Variants in SHANK2 observed in about 807,000 individuals in gnomAD.
SHANK2 encodes SH3 and multiple ankyrin repeat domains 2.
SHANK2 carries 43 observed loss-of-function variants against 133.7 expected under a neutral mutation model. That is an observed-to-expected ratio of 0.32 (90% confidence interval 0.25 to 0.41). The LOEUF (loss-of-function observed/expected upper bound fraction) is 0.41, where lower values mean the gene tolerates loss of function less well. SHANK2 is among the 10% of genes least tolerant of loss of function. SHANK2 has a pLI of 1.00. For synonymous variants in SHANK2, 1,017 were observed against 952.8 expected (o/e 1.07, Z -1.24); for missense variants, 1,994 against 2,235.8 (o/e 0.89, Z 2.18).
chr11:70,786,961 T>C (rs924746590), intron 14 of SHANK2, among the ~76,000 whole-genome samples: 1 of 150,734 alleles, frequency 6.6e-6, no homozygotes, highest in Non-Finnish European at 1.5e-5. Context: ...GCATCACCAC[T>C]ATCATCACCA....
At chr11:71,170,883 A>C (rs4245462) in intron 2 of SHANK2, among the ~76,000 whole-genome samples, 101,344 of 152,182 alleles carry the variant, frequency 0.67, 35,833 homozygotes, top group East Asian at 0.87. Flanking sequence ...GGGATTCCTG[A>C]TGTCGCTGGC....
chr11:70,838,682 A>G (rs1948859720), intron 11 of SHANK2, among the ~76,000 whole-genome samples: 1 of 152,162 alleles, frequency 6.6e-6, no homozygotes, highest in Non-Finnish European at 1.5e-5. Flanking sequence ...AAGTCTCCCC[A>G]AGGCACTTGG....
intron 17 of SHANK2, among the ~76,000 whole-genome samples, chr11:70,546,773 G>T (rs1001830535): frequency 6.6e-5 from 10 of 152,194 alleles, no homozygotes; most frequent in African/African-American, 2.4e-4. Flanking sequence ...ACACCTCCCT[G>T]CTGGCTCTGG....
intron 14 of SHANK2, among the ~76,000 whole-genome samples, chr11:70,752,535 T>C (rs2134904273): frequency 6.6e-6 from 1 of 151,310 alleles, no homozygotes; most frequent in African/African-American, 2.4e-5. Flanking sequence ...TGAAAGCCCG[T>C]CTCTACTAAA....
chr11:70,486,456 C>A lies in SHANK2; in HGVS notation c.3837G>T (p.Glu1279Asp). 6.2e-7 allele frequency: 1 copy of A among 1,614,118 alleles called. No homozygotes were observed. The highest frequency in any genetic ancestry group is 8.5e-7 in the Non-Finnish European group (1 of 1,180,012). ...TRGPLRRQET[E>D]NKYETDLGRD... ...GGCCCAGGTCGGTCTCGTACTTGTTCTCCGTCTCCTGCCGCCTCAGGGGTC... is the reference window on the plus strand; with the variant it reads ...GGCCCAGGTCGGTCTCGTACTTGTTATCCGTCTCCTGCCGCCTCAGGGGTC... The change falls in exon 25 of 26, where the codon GAG becomes GAT. Residue 1279 changes from glutamate to aspartate, a missense_variant. Physicochemically the swap from Glu to Asp is conservative, Grantham distance 45. Transcript: ENST00000601538. The surrounding 1 kb of genome is among the most constrained non-coding windows in gnomAD (Gnocchi z 8.0).
intron 14 of SHANK2, among the ~76,000 whole-genome samples, chr11:70,712,713 A>G (rs1229450343): frequency 6.6e-6 from 1 of 152,218 alleles, no homozygotes; most frequent in Non-Finnish European, 1.5e-5. Context: ...AGCCGCCAGC[A>G]CGATGGTTCC....
chr11:71,193,354 C>T (rs1953830115), intron 2 of SHANK2, among the ~76,000 whole-genome samples: 3 of 152,104 alleles, frequency 2.0e-5, no homozygotes, highest in Middle Eastern at 3.2e-3. Context: ...TGCATGCACA[C>T]ATACATGTAT....
chr11:70,582,348 C>T (rs1471009135), intron 17 of SHANK2, among the ~76,000 whole-genome samples: 4 of 152,204 alleles, frequency 2.6e-5, no homozygotes, highest in Admixed American at 6.5e-5. Context: ...CAGCCCCGGC[C>T]GGATCCAATT....
At position 71,085,796 on chromosome 11, in the gene SHANK2, TACAAC is replaced by T. The variant is rs1388311927; in HGVS notation, c.912+6621_912+6625del. Reference sequence around the variant, plus strand: ...TATATTTATATTATATAATATATGATACAACATAATATATTATGTTATATTATATA... The same window carrying T: ...TATATTTATATTATATAATATATGATATAATATATTATGTTATATTATATA... On this transcript the variant is annotated intron_variant, in intron 8 of 25. Transcript: ENST00000601538. 2.3e-3 allele frequency among the ~76,000 whole-genome samples: 153 copies of T among 67,690 alleles called. 3 individuals are homozygous for T. The highest frequency in any genetic ancestry group is 8.9e-3 in the African/African-American group (140 of 15,808). 44.4% of individuals were successfully genotyped at this position (67,690 alleles called of 152,430 possible). A position where few individuals can be genotyped will look rare whatever the true frequency, so the allele number is the denominator to read the frequency against.
chr11:70,549,884 G>T (rs967052258), intron 17 of SHANK2, among the ~76,000 whole-genome samples: 2 of 152,210 alleles, frequency 1.3e-5, no homozygotes, highest in African/African-American at 4.8e-5. Context: ...AAGACACAGC[G>T]AAGCTCCGGT....
At chr11:71,086,560 T>TATATAATATATAATATAAATATATATAA (rs1951423030) in intron 8 of SHANK2, among the ~76,000 whole-genome samples, 1 of 144,828 alleles carries the variant, frequency 6.9e-6, no homozygotes, top group African/African-American at 2.5e-5. Context: ...TATAATAATA[T>TATATAATATATAATATAAATATATATAA]ATATATCATT....
intron 2 of SHANK2, among the ~76,000 whole-genome samples, chr11:71,160,482 C>T (rs34613316): frequency 1.1e-4 from 17 of 152,282 alleles, no homozygotes; most frequent in South Asian, 4.2e-4. Flanking sequence ...TGCGTGTTCA[C>T]GTGTGGTCAT....
At position 70,913,285 on chromosome 11, in the gene SHANK2, T is replaced by C. The variant is rs782504146; in HGVS notation, c.1108-16718A>G. Among the ~76,000 whole-genome samples the C allele has an allele frequency of 9.2e-5, 14 of 152,070 alleles. No homozygotes were observed. In the East Asian group the frequency reaches 2.5e-3, roughly 27 times the overall value. On this transcript the variant is annotated intron_variant, in intron 10 of 25. Coordinates refer to ENST00000601538, the MANE Select transcript of SHANK2 (RefSeq NM_012309.5). ...TTGTCCTAAATGATAGACCCTATTA[T>C]GACAACTTGGACCCTTCAGGGACCA... is the stretch of plus-strand genomic sequence containing the variant.
chr11:70,711,789 C>A (rs1945790204), intron 14 of SHANK2, among the ~76,000 whole-genome samples: 1 of 152,264 alleles, frequency 6.6e-6, no homozygotes, highest in African/African-American at 2.4e-5. Flanking sequence ...CTCACTTGTT[C>A]CTTTTCTCAA....
intron 15 of SHANK2, among the ~76,000 whole-genome samples, chr11:70,689,512 AAGT>A (rs1945229340): frequency 6.6e-6 from 1 of 152,200 alleles, no homozygotes; most frequent in Non-Finnish European, 1.5e-5. Flanking sequence ...CACTAAGAAA[AAGT>A]AGAAAATATG....
At chr11:71,127,956 T>C (rs184640465) in intron 3 of SHANK2, among the ~76,000 whole-genome samples, 72 of 152,264 alleles carry the variant, frequency 4.7e-4, no homozygotes, top group Non-Finnish European at 6.3e-4. Flanking sequence ...GGACCAGCCA[T>C]CCTCTCCGCG....
At chr11:71,170,993 C>G (rs1555112041) in intron 2 of SHANK2, among the ~76,000 whole-genome samples, 1 of 152,204 alleles carries the variant, frequency 6.6e-6, no homozygotes, top group East Asian at 1.9e-4. Context: ...GACTGGGCGT[C>G]CAAGATCAAG....
chr11:70,899,848 C>T lies in SHANK2; in HGVS notation c.1108-3281G>A, dbSNP rs548826052. 2.0e-4 allele frequency among the ~76,000 whole-genome samples: 31 copies of T among 152,298 alleles called. No homozygotes were observed. The South Asian group carries it at 3.7e-3, about 18-fold the overall frequency. On this transcript the variant is annotated intron_variant, in intron 10 of 25. Transcript: ENST00000601538. Reference sequence around the variant, plus strand: ...GCCTGAGGTGATACTGGCGGACTGGCGGAGGGATGCGGCCCCAGAGGTGGA... The same window carrying T: ...GCCTGAGGTGATACTGGCGGACTGGTGGAGGGATGCGGCCCCAGAGGTGGA...
intron 14 of SHANK2, among the ~76,000 whole-genome samples, chr11:70,717,546 A>G (rs1220649549): frequency 6.6e-6 from 1 of 152,184 alleles, no homozygotes; most frequent in Non-Finnish European, 1.5e-5. Context: ...CCAAGTGCAA[A>G]GCCATTGCCA....
Sources: gnomAD v4.1 joint callset for allele counts (sites outside exome capture counted in the v4.1 genomes callset) on GRCh38, gnomAD v4.1.1 for gene constraint, Gnocchi (gnomAD v3.1) non-coding constraint, MANE v1.5 for transcripts, NCBI Gene and HGNC (gene_info 2026-07-23, HGNC 2026-07-21) for gene names.